Variants in NTM observed in about 807,000 individuals in gnomAD.
The protein encoded by NTM is neurotrimin, also known as IgLON family member 2.
NTM carries 13 observed loss-of-function variants against 42.1 expected under a neutral mutation model. That is an observed-to-expected ratio of 0.31 (90% CI 0.20 to 0.49). The LOEUF is 0.49. NTM is among the 20% of genes least tolerant of loss of function. The pLI, the probability that NTM is intolerant of heterozygous loss-of-function variation, is 0.99. For synonymous variants in NTM, 187 were observed against 179.2 expected, an observed-to-expected ratio of 1.04 and a Z score of -0.35; for missense variants, 373 against 452.8, an observed-to-expected ratio of 0.82 and a Z score of 1.60.
chr11:131,523,877 G>C (rs906501836), intron 1 of NTM, among the ~76,000 whole-genome samples: 1 of 151,896 alleles, frequency 6.6e-6, no homozygotes, highest in Non-Finnish European at 1.5e-5. Context: ...TCTCTGTGCA[G>C]TTTGAAAATA....
chr11:132,210,737 G>A (rs115351264), intron 3 of NTM, among the ~76,000 whole-genome samples: 189 of 152,272 alleles, frequency 1.2e-3, no homozygotes, highest in African/African-American at 4.3e-3. Flanking sequence ...GGAAAGAAAC[G>A]CACACACATG....
At chr11:131,876,364 C>A (rs2048541114) in intron 1 of NTM, among the ~76,000 whole-genome samples, 1 of 152,192 alleles carries the variant, frequency 6.6e-6, no homozygotes, top group Non-Finnish European at 1.5e-5. Flanking sequence ...CCCACTGGGT[C>A]TCCTCCACTC....
intron 2 of NTM, among the ~76,000 whole-genome samples, chr11:132,132,287 A>G (rs1255202414): frequency 1.3e-5 from 2 of 152,146 alleles, no homozygotes; most frequent in East Asian, 1.9e-4. Context: ...AGACTTGGTC[A>G]TTGTACTTTG....
chr11:131,536,356 G>C (rs2052218861), intron 1 of NTM: 5 of 152,220 alleles, frequency 3.3e-5, no homozygotes. Flanking sequence ...ATTATTTGTG[G>C]AGCACGCATT....
intron 4 of NTM, among the ~76,000 whole-genome samples, chr11:132,253,291 G>C (rs529957553): frequency 6.6e-6 from 1 of 152,278 alleles, no homozygotes; most frequent in South Asian, 2.1e-4. Context: ...CCACAGGAGA[G>C]ATAGCATTAC....
intron 2 of NTM, among the ~76,000 whole-genome samples, chr11:132,000,018 A>G (rs1404224531): frequency 6.6e-6 from 1 of 151,800 alleles, no homozygotes; most frequent in East Asian, 1.9e-4. Context: ...ACCTAGCCTA[A>G]TCAAATCTCT....
intron 1 of NTM, among the ~76,000 whole-genome samples, chr11:131,608,779 A>G (rs2137511195): frequency 6.6e-6 from 1 of 151,952 alleles, no homozygotes; most frequent in South Asian, 2.1e-4. Context: ...CCCTGTTTGT[A>G]GAGCTTTCTC....
intron 2 of NTM, among the ~76,000 whole-genome samples, chr11:132,020,256 A>T (rs901309369): frequency 6.6e-6 from 1 of 151,936 alleles, no homozygotes; most frequent in Non-Finnish European, 1.5e-5. Flanking sequence ...ACCTGGGCTG[A>T]TTCTGTGTCT....
At chr11:131,389,050 G>GAAAAAAAAAGAAAAGA (rs67940996) in intron 1 of NTM, among the ~76,000 whole-genome samples, 1 of 100,170 alleles carries the variant, frequency 1.0e-5, no homozygotes, top group Non-Finnish European at 2.0e-5. Flanking sequence ...AAAAGAAAAG[G>GAAAAAAAAAGAAAAGA]AAAAAGAAAG....
At chr11:132,222,585 A>C (rs1035800920) in intron 4 of NTM, among the ~76,000 whole-genome samples, 8 of 152,254 alleles carry the variant, frequency 5.3e-5, no homozygotes, top group Middle Eastern at 3.4e-3. Context: ...GCATCATTTC[A>C]GTTCCTCAAG....
intron 1 of NTM, among the ~76,000 whole-genome samples, chr11:131,798,045 A>G (rs530028886): frequency 6.6e-6 from 1 of 152,368 alleles, no homozygotes; most frequent in South Asian, 2.1e-4. Flanking sequence ...CTTTGGGGAT[A>G]TAACAGATGT....
At chr11:131,614,176 G>A (rs922766694) in intron 1 of NTM, among the ~76,000 whole-genome samples, 10 of 152,256 alleles carry the variant, frequency 6.6e-5, no homozygotes, top group African/African-American at 2.4e-4. Flanking sequence ...CTCCCTCAGC[G>A]GGAGCTCCCT....
At chr11:132,221,581 G>C (rs984542130) in intron 4 of NTM, among the ~76,000 whole-genome samples, 3 of 152,122 alleles carry the variant, frequency 2.0e-5, no homozygotes, top group African/African-American at 4.8e-5. Flanking sequence ...GCATCACCTA[G>C]TTCATGCCCC....
intron 1 of NTM, among the ~76,000 whole-genome samples, chr11:131,826,214 T>C (rs2042108892): frequency 6.6e-6 from 1 of 152,142 alleles, no homozygotes; most frequent in Admixed American, 6.5e-5. Context: ...TTGCTGATGG[T>C]TGAGGCAAAT....
chr11:131,661,502 C>T (rs2068064331), intron 1 of NTM, among the ~76,000 whole-genome samples: 1 of 152,148 alleles, frequency 6.6e-6, no homozygotes, highest in South Asian at 2.1e-4. Context: ...GAAATTTTTA[C>T]TTAATTTTAA....
rs115069729 is a variant in NTM, at chr11:132,097,172, C to T, written c.168-49110C>T. Among the ~76,000 whole-genome samples, 585 of 152,322 alleles carry T rather than the reference C, an allele frequency of 3.8e-3. 5 individuals are homozygous for T. The highest frequency in any genetic ancestry group is 0.014 in the African/African-American group (570 of 41,574). On this transcript the variant is annotated intron_variant, in intron 2 of 8. Transcript: ENST00000683400. ...GAGGCTGCTTAAGACATATGTACCCCTTCCTTCTGCAGGTTCAGAAACAGC... is the reference window on the plus strand; with the variant it reads ...GAGGCTGCTTAAGACATATGTACCCTTTCCTTCTGCAGGTTCAGAAACAGC...
intron 2 of NTM, among the ~76,000 whole-genome samples, chr11:132,019,863 T>C (rs879246349): frequency 1.3e-5 from 2 of 152,016 alleles, no homozygotes; most frequent in African/African-American, 4.8e-5. Flanking sequence ...TGGTTTTTTT[T>C]TCAGGGGGTA....
rs752219436 is a variant in NTM at position 132,003,152 on chromosome 11, G to A, written c.167+91504G>A. Among the ~76,000 whole-genome samples, 8 of 152,024 alleles carry A rather than the reference G, an allele frequency of 5.3e-5. No individual in the cohort carries two copies. Among genetic ancestry groups the A allele is most frequent in the Admixed American group, 1.3e-4 (2 of 15,260 alleles). ...TCCTCCTTCACCCTAATGCTAGCCCGGTTCTGAGCCAGAGTTATTTCGCTC... is the reference window on the plus strand; with the variant it reads ...TCCTCCTTCACCCTAATGCTAGCCCAGTTCTGAGCCAGAGTTATTTCGCTC... On this transcript the variant is annotated intron_variant, in intron 2 of 8. Coordinates refer to ENST00000683400, the MANE Select transcript of NTM (RefSeq NM_001352005.2). The surrounding 1 kb of genome is among the most constrained non-coding windows in gnomAD (Gnocchi z 6.0).
chr11:131,911,358 CCGGTCGCCGCGGGTTCA>C (rs2054920924), intron 1 of NTM, 189 bp from the exon 2 acceptor site: 1 of 1,530,880 alleles, frequency 6.5e-7, no homozygotes, highest in Non-Finnish European at 8.8e-7. Flanking sequence ...CCCGCGCCTC[CCGGTCGCCGCGGGTTCA>C]CCGCTCAGTC....
Sources: gnomAD v4.1 joint callset for allele counts (sites outside exome capture counted in the v4.1 genomes callset) on GRCh38, gnomAD v4.1.1 for gene constraint, Gnocchi (gnomAD v3.1) non-coding constraint, MANE v1.5 for transcripts, NCBI Gene and HGNC (gene_info 2026-07-23, HGNC 2026-07-21) for gene names.